The following SHANK2 variants were observed in gnomAD, a reference collection of about 807,000 sequenced individuals.
SHANK2 encodes SH3 and multiple ankyrin repeat domains 2, also known as SH3 and multiple ankyrin repeat domains protein 2.
A neutral mutation model predicts 133.7 loss-of-function variants in SHANK2; 43 were observed. The ratio of observed to expected loss-of-function variants is 0.32; its 90% CI spans 0.25 to 0.41. The LOEUF (loss-of-function observed/expected upper bound fraction) is 0.41, where lower values mean the gene tolerates loss of function less well. Ranked by LOEUF, SHANK2 falls within the 10% of genes least tolerant of loss-of-function variation. The pLI is 1.00. For missense variants in SHANK2, 1,994 were observed against 2,235.8 expected (o/e 0.89, Z 2.18); for synonymous variants, 1,017 against 952.8 (o/e 1.07, Z -1.24).
chr11:71,149,844 AAGG>A (rs755608155), intron 2 of SHANK2, among the ~76,000 whole-genome samples: 10 of 117,666 alleles, frequency 8.5e-5, no homozygotes, highest in Non-Finnish European at 1.6e-4. Flanking sequence ...GGGAAGGAGA[AAGG>A]AGGGAGGGAG....
intron 17 of SHANK2, among the ~76,000 whole-genome samples, chr11:70,639,483 T>C (rs984337406): frequency 3.3e-5 from 5 of 152,140 alleles, no homozygotes; most frequent in Non-Finnish European, 5.9e-5. Context: ...CCCACCTTCA[T>C]GACCTCATCC....
intron 2 of SHANK2, among the ~76,000 whole-genome samples, chr11:71,178,147 T>C (rs2135535437): frequency 6.6e-6 from 1 of 152,318 alleles, no homozygotes; most frequent in East Asian, 1.9e-4. Context: ...AGCAACAGTA[T>C]TCACAAGCAC....
chr11:70,738,964 G>A (rs1555034171), intron 14 of SHANK2, among the ~76,000 whole-genome samples: 1 of 152,210 alleles, frequency 6.6e-6, no homozygotes, highest in African/African-American at 2.4e-5. Flanking sequence ...TCCCATGTAG[G>A]GAGGGGGTCT....
At chr11:70,833,167 C>CG (rs1283426185) in intron 11 of SHANK2, among the ~76,000 whole-genome samples, 1 of 152,264 alleles carries the variant, frequency 6.6e-6, no homozygotes, top group African/African-American at 2.4e-5. Context: ...CAGAAGCCGG[C>CG]GAGTGTGGCA....
At chr11:71,177,559 T>C (rs1165265327) in intron 2 of SHANK2, among the ~76,000 whole-genome samples, 1 of 151,906 alleles carries the variant, frequency 6.6e-6, no homozygotes, top group Non-Finnish European at 1.5e-5. Context: ...TAAAGATAAA[T>C]GGAATCATAA....
intron 17 of SHANK2, among the ~76,000 whole-genome samples, chr11:70,556,389 TTCTTTCTCTCTC>T (rs1208806458): frequency 1.7e-3 from 235 of 136,250 alleles, no homozygotes; most frequent in African/African-American, 5.9e-3. Context: ...GTCTCTTTCT[TTCTTTCTCTCTC>T]TCTCTCTCTC....
rs1339206075 is a variant in SHANK2 at position 70,495,691 on chromosome 11, C to T, written c.2309-3226G>A. Among the ~76,000 whole-genome samples the T allele has an allele frequency of 4.6e-5, 7 of 152,286 alleles. 1 individual carries two copies. In the Middle Eastern group the frequency reaches 0.01, roughly 222 times the overall value. On this transcript the variant is annotated intron_variant, in intron 21 of 25. Transcript: ENST00000601538. Reference sequence around the variant, plus strand: ...GGCCCCTCCTCTGACCCCAGTGGAGCGTGAGGCCTGAGCGGGGTGCAGCAG... The same window carrying T: ...GGCCCCTCCTCTGACCCCAGTGGAGTGTGAGGCCTGAGCGGGGTGCAGCAG...
rs544869059 is a variant in SHANK2, at chr11:70,573,549, C to CGG, written c.2062-70620_2062-70619dup. Among the ~76,000 whole-genome samples the CGG allele has an allele frequency of 6.7e-3, 699 of 104,974 alleles. 4 individuals carry two copies. The highest frequency in any genetic ancestry group is 0.055 in the East Asian group (193 of 3,514). 68.9% of individuals were successfully genotyped at this position (104,974 alleles called of 152,430 possible). A position where few individuals can be genotyped will look rare whatever the true frequency, so the allele number is the denominator to read the frequency against. On this transcript the variant is annotated intron_variant, in intron 17 of 25. Transcript: ENST00000601538. ...CCCCATGTGTCTGTGTGTGTGGGGG[C>CGG]GGGGGGGGGGTGGGGCATGGCATTT...
chr11:70,738,309 G>T (rs182613161), intron 14 of SHANK2, among the ~76,000 whole-genome samples: 13 of 152,386 alleles, frequency 8.5e-5, no homozygotes, highest in Admixed American at 2.6e-4. Context: ...TCAACAATGT[G>T]CAGGGAAAGG....
chr11:70,903,281 G>A (rs1452123881), intron 10 of SHANK2, among the ~76,000 whole-genome samples: 1 of 151,994 alleles, frequency 6.6e-6, no homozygotes, highest in African/African-American at 2.4e-5. Context: ...GGAGTCCGAG[G>A]CAAAAGAATT....
chr11:70,686,472 C>T (rs1555019667), intron 15 of SHANK2, among the ~76,000 whole-genome samples: 1 of 151,946 alleles, frequency 6.6e-6, no homozygotes, highest in Non-Finnish European at 1.5e-5. Flanking sequence ...AGCTCCCCAT[C>T]TATCCTTCCT....
At chr11:70,639,425 G>T (rs779311271) in intron 17 of SHANK2, among the ~76,000 whole-genome samples, 2 of 152,098 alleles carry the variant, frequency 1.3e-5, no homozygotes, top group Admixed American at 1.3e-4. Flanking sequence ...GGGCAAAGGG[G>T]CTCTCTGGGG....
At chr11:71,186,079 T>C (rs1953665740) in intron 2 of SHANK2, among the ~76,000 whole-genome samples, 1 of 152,188 alleles carries the variant, frequency 6.6e-6, no homozygotes, top group Non-Finnish European at 1.5e-5. Flanking sequence ...GAAAATACAC[T>C]GGTACAGTGA....
At chr11:70,609,609 G>A (rs908244314) in intron 17 of SHANK2, among the ~76,000 whole-genome samples, 3 of 151,668 alleles carry the variant, frequency 2.0e-5, no homozygotes, top group East Asian at 1.9e-4. Context: ...CAAATGATGC[G>A]GGATATATGA....
intron 10 of SHANK2, among the ~76,000 whole-genome samples, chr11:70,903,974 C>T (rs1555077393): frequency 6.6e-6 from 1 of 152,182 alleles, no homozygotes; most frequent in African/African-American, 2.4e-5. Flanking sequence ...GAGCAGCACC[C>T]CAAATTCCCA....
At chr11:70,615,034 C>T (rs146877234) in intron 17 of SHANK2, among the ~76,000 whole-genome samples, 92 of 152,322 alleles carry the variant, frequency 6.0e-4, no homozygotes, top group African/African-American at 2.0e-3. Flanking sequence ...TTGGATTCCC[C>T]CCATGCACAG....
chr11:70,925,218 T>C (rs1320210786), intron 10 of SHANK2, among the ~76,000 whole-genome samples: 1 of 152,200 alleles, frequency 6.6e-6, no homozygotes, highest in East Asian at 1.9e-4. Flanking sequence ...AATGGTTAAA[T>C]ATATGCCCTA....
chr11:70,539,950 C>A (rs2059597397), intron 17 of SHANK2, among the ~76,000 whole-genome samples: 1 of 152,126 alleles, frequency 6.6e-6, no homozygotes, highest in South Asian at 2.1e-4. Flanking sequence ...GCCTTGGTGT[C>A]CCTGGCTTGG....
At chr11:70,789,797 G>C (rs1947749939) in intron 14 of SHANK2, among the ~76,000 whole-genome samples, 1 of 152,196 alleles carries the variant, frequency 6.6e-6, no homozygotes, top group Admixed American at 6.5e-5. Flanking sequence ...GATCCTACCT[G>C]TCTCTGGAGG....
Sources: gnomAD v4.1 joint callset for allele counts (sites outside exome capture counted in the v4.1 genomes callset) on GRCh38, gnomAD v4.1.1 for gene constraint, MANE v1.5 for transcripts, NCBI Gene and HGNC (gene_info 2026-07-23, HGNC 2026-07-21) for gene names.